Variants in CREB3L2 observed in about 807,000 individuals in gnomAD.
CREB3L2 encodes the protein cAMP responsive element binding protein 3 like 2.
Under a neutral mutation model 57.2 loss-of-function variants are expected in CREB3L2, and 23 were observed. The ratio of observed to expected loss-of-function variants is 0.40; its 90% CI spans 0.29 to 0.57. The LOEUF (loss-of-function observed/expected upper bound fraction) is 0.57. Among genes scored for constraint, CREB3L2 ranks in the 20% least tolerant of loss-of-function variants. The pLI is 0.42. For synonymous variants in CREB3L2, 268 were observed against 265.1 expected (o/e 1.01, Z -0.11); for missense variants, 628 against 634.7 (o/e 0.99, Z 0.11).
intron 1 of CREB3L2, among the ~76,000 whole-genome samples, chr7:137,959,219 A>G (rs1801274972): frequency 1.3e-5 from 2 of 152,240 alleles, no homozygotes; most frequent in Non-Finnish European, 2.9e-5. Context: ...GCTTTGGCCA[A>G]CACAATGAAG....
intron 1 of CREB3L2, among the ~76,000 whole-genome samples, chr7:137,994,023 C>T (rs1040732964): frequency 6.6e-6 from 1 of 152,212 alleles, no homozygotes; most frequent in African/African-American, 2.4e-5. Context: ...ATCCACTGAG[C>T]AGGGAAAAAG....
In CREB3L2 at chr7:138,001,316, T is replaced by C. The variant is rs950117020; in HGVS notation, c.102+288A>G. On this transcript the variant is annotated intron_variant, in intron 1 of 11. Coordinates refer to ENST00000330387, the MANE Select transcript of CREB3L2 (RefSeq NM_194071.4). The surrounding 1 kb of genome is among the most constrained non-coding windows in gnomAD (Gnocchi z 4.2). ...ACACACTCCCTCTCCCGCATTACAG[T>C]ACTGTTAACAACAGCAAATGATATT... Among the ~76,000 whole-genome samples, 5 of 152,130 alleles carry C rather than the reference T, an allele frequency of 3.3e-5. No individual in the cohort carries two copies. Among genetic ancestry groups the C allele is most frequent in the Non-Finnish European group, 5.9e-5 (4 of 68,012 alleles).
At chr7:137,922,414 A>ATATG (rs1390842889) in intron 2 of CREB3L2, among the ~76,000 whole-genome samples, 2 of 29,934 alleles carry the variant, frequency 6.7e-5, no homozygotes, top group African/African-American at 9.7e-5. Context: ...ATATATATAT[A>ATATG]TGTATATATA....
intron 1 of CREB3L2, among the ~76,000 whole-genome samples, chr7:137,996,898 T>G (rs1390143397): frequency 6.6e-6 from 1 of 152,262 alleles, no homozygotes; most frequent in East Asian, 1.9e-4. Flanking sequence ...ACTTAGTTTT[T>G]ATGATACACT....
intron 1 of CREB3L2, among the ~76,000 whole-genome samples, chr7:137,989,451 T>TG: frequency 6.8e-6 from 1 of 147,240 alleles, no homozygotes; most frequent in East Asian, 2.0e-4. Flanking sequence ...TTTTTTTTTT[T>TG]GATGATTCTT....
intron 8 of CREB3L2, among the ~76,000 whole-genome samples, chr7:137,891,733 G>A (rs971451117): frequency 7.2e-5 from 11 of 152,096 alleles, no homozygotes; most frequent in African/African-American, 2.7e-4. Context: ...ATGCCACCAC[G>A]CCCGGCTAAT....
At position 137,930,192 on chromosome 7, in the gene CREB3L2, C is replaced by T. The variant is rs149740149; in HGVS notation, c.103-1826G>A. Among the ~76,000 whole-genome samples the T allele has an allele frequency of 1.8e-3, 277 of 152,184 alleles. 3 individuals carry two copies. Among genetic ancestry groups the T allele is most frequent in the Non-Finnish European group, 2.7e-3 (186 of 68,010 alleles). On this transcript the variant is annotated intron_variant, in intron 1 of 11. Coordinates refer to ENST00000330387, the MANE Select transcript of CREB3L2 (RefSeq NM_194071.4). Reference sequence around the variant, plus strand: ...GATTACAGGCGTGAGCCACTGTGCCCGGCCAATAAAATGAAATTTTAAAGC... The same window carrying T: ...GATTACAGGCGTGAGCCACTGTGCCTGGCCAATAAAATGAAATTTTAAAGC...
intron 8 of CREB3L2, among the ~76,000 whole-genome samples, chr7:137,892,448 C>T (rs1402523098): frequency 1.3e-5 from 2 of 151,610 alleles, no homozygotes; most frequent in African/African-American, 2.4e-5. Flanking sequence ...GTCAGGAGTT[C>T]GAGACCAGCC....
intron 1 of CREB3L2, among the ~76,000 whole-genome samples, chr7:137,972,381 C>T (rs576882942): frequency 5.3e-5 from 8 of 151,294 alleles, no homozygotes; most frequent in African/African-American, 1.2e-4. Flanking sequence ...GAGGTTGCAG[C>T]GAGCCAAGAT....
intron 1 of CREB3L2, among the ~76,000 whole-genome samples, chr7:137,963,786 G>C (rs1311704831): frequency 6.6e-6 from 1 of 151,624 alleles, no homozygotes; most frequent in Non-Finnish European, 1.5e-5. Flanking sequence ...AGCCAAACTT[G>C]ATTTGTTTTT....
At chr7:137,896,243 G>A (rs190820258) in intron 8 of CREB3L2, among the ~76,000 whole-genome samples, 79 of 152,356 alleles carry the variant, frequency 5.2e-4, no homozygotes, top group African/African-American at 1.5e-3. Context: ...CCATTTGAGC[G>A]AAGCAGCCCT....
At chr7:137,952,554 T>A (rs767786764) in intron 1 of CREB3L2, among the ~76,000 whole-genome samples, 4 of 152,206 alleles carry the variant, frequency 2.6e-5, no homozygotes, top group Non-Finnish European at 5.9e-5. Flanking sequence ...GTTCCAGTTT[T>A]TATGATCTGG....
At chr7:137,945,515 T>C (rs1800956957) in intron 1 of CREB3L2, among the ~76,000 whole-genome samples, 1 of 152,266 alleles carries the variant, frequency 6.6e-6, no homozygotes, top group Non-Finnish European at 1.5e-5. Context: ...CTATATTTTA[T>C]GCATGTTAAC....
chr7:137,897,857 G>C (rs1238133443), intron 8 of CREB3L2, among the ~76,000 whole-genome samples: 1 of 151,950 alleles, frequency 6.6e-6, no homozygotes, highest in Non-Finnish European at 1.5e-5. Flanking sequence ...ATTTTTACAA[G>C]GAGCACATAT....
rs1307181801 is a variant in CREB3L2, at chr7:137,980,167, T to C, written c.102+21437A>G. ...ATGTTGCCAGACCATGGACCATGCT[T>C]TGAGTAGTCATACTCCAAGCCAGTA... On this transcript the variant is annotated intron_variant, in intron 1 of 11. Coordinates refer to ENST00000330387, the MANE Select transcript of CREB3L2 (RefSeq NM_194071.4). This position sits in a 1 kb window ranked among gnomAD's most constrained non-coding sequence, Gnocchi z 4.3. Among the ~76,000 whole-genome samples the C allele has an allele frequency of 1.3e-5, 2 of 152,220 alleles. No homozygotes were observed. The highest frequency in any genetic ancestry group is 2.9e-5 in the Non-Finnish European group (2 of 68,038).
chr7:137,972,720 T>A (rs1334211889), intron 1 of CREB3L2, among the ~76,000 whole-genome samples: 401 of 30,194 alleles, frequency 0.013, 13 homozygotes, highest in African/African-American at 0.044. Flanking sequence ...AAAATATATA[T>A]ATATATATAT....
At position 137,938,385 on chromosome 7, in the gene CREB3L2, G is replaced by A. The variant is rs548318809; in HGVS notation, c.103-10019C>T. Among the ~76,000 whole-genome samples, 194 of 152,104 alleles carry A rather than the reference G, an allele frequency of 1.3e-3. 4 individuals are homozygous for A. Among genetic ancestry groups the A allele is most frequent in the African/African-American group, 4.3e-3 (180 of 41,474 alleles). The stretch of plus-strand genomic sequence containing the variant: ...TTTTGAGACAGAGTCTCACTCTGTC[G>A]CCCAGGCTGGGGTACAGTGGTGCGA... On this transcript the variant is annotated intron_variant, in intron 1 of 11. Coordinates refer to ENST00000330387, the MANE Select transcript of CREB3L2 (RefSeq NM_194071.4).
chr7:137,893,979 G>A (rs1799570801), intron 8 of CREB3L2, among the ~76,000 whole-genome samples: 1 of 152,194 alleles, frequency 6.6e-6, no homozygotes, highest in African/African-American at 2.4e-5. Flanking sequence ...AAATGTGGTA[G>A]TATAAGCAGA....
chr7:137,875,486 T>G lies in CREB3L2; in HGVS notation c.*4990A>C, dbSNP rs761913433. 5.4e-5 allele frequency: 12 copies of G among 223,634 alleles called. No individual in the cohort carries two copies. The highest frequency in any genetic ancestry group is 8.9e-6 in the Non-Finnish European group (1 of 112,076). The allele number at this position is 223,634 out of a possible 1,614,324, so 13.9% of individuals were successfully genotyped here. On this transcript the variant is annotated 3_prime_UTR_variant, in exon 12 of 12. Transcript: ENST00000330387. Reference sequence around the variant, plus strand: ...AGAGCTAAAACCCCTGGTTTTCCTTTCCCCAGATGTAAAGCCTGCTAGCTG... The same window carrying G: ...AGAGCTAAAACCCCTGGTTTTCCTTGCCCCAGATGTAAAGCCTGCTAGCTG...
Sources: gnomAD v4.1 joint callset for allele counts (sites outside exome capture counted in the v4.1 genomes callset) on GRCh38, gnomAD v4.1.1 for gene constraint, Gnocchi (gnomAD v3.1) non-coding constraint, MANE v1.5 for transcripts, NCBI Gene and HGNC (gene_info 2026-07-23, HGNC 2026-07-21) for gene names.